The following SETX variants were observed in gnomAD, a reference collection of about 807,000 sequenced individuals.
The protein encoded by SETX is senataxin, also known as helicase senataxin.
A neutral mutation model predicts 227.2 loss-of-function variants in SETX; 90 were observed. That is an observed-to-expected ratio of 0.40 (90% CI 0.33 to 0.47). The LOEUF (loss-of-function observed/expected upper bound fraction) is 0.47. Among genes scored for constraint, SETX ranks in the 20% least tolerant of loss-of-function variants. The probability of loss-of-function intolerance (pLI) is 0.91; values close to 1 mark genes in which losing one functional copy is unlikely to be tolerated. For missense variants in SETX, 3,052 were observed against 3,181.5 expected, an observed-to-expected ratio of 0.96 and a Z score of 0.98; for synonymous variants, 1,210 against 1,113.2, an observed-to-expected ratio of 1.09 and a Z score of -1.73.
At chr9:132,299,671 A>G (rs1235734487) in intron 12 of SETX, among the ~76,000 whole-genome samples, 2 of 152,238 alleles carry the variant, frequency 1.3e-5, no homozygotes, top group East Asian at 3.8e-4. Flanking sequence ...CATAAGAAAA[A>G]CAATGTGGAC....
chr9:132,299,970 A>C (rs1844892541), intron 12 of SETX, among the ~76,000 whole-genome samples: 1 of 152,002 alleles, frequency 6.6e-6, no homozygotes, highest in Non-Finnish European at 1.5e-5. Context: ...CTCCACTAAA[A>C]ACACAAAAAA....
chr9:132,331,296 T>C lies in SETX; in HGVS notation c.991A>G (p.Ile331Val), dbSNP rs572884359. The change falls in exon 8 of 26, where the codon ATA becomes GTA. Residue 331 changes from isoleucine to valine, a missense_variant. Around this residue, in one of 10 missense-constraint regions of SETX, gnomAD observed 239 missense variants for 240.8 expected, o/e 0.99. Transcript: ENST00000224140. ...ACTAACCTTACAGAGCTGTTCCGTA[T>C]ATGTCGGATCTCTCTATTGTAGCTT... ...NASYNREIRH[I>V]RNSSVRTKLE... The C allele has an allele frequency of 4.8e-5, 77 of 1,614,116 alleles. No individual in the cohort carries two copies. Among genetic ancestry groups the C allele is most frequent in the Admixed American group, 3.5e-4 (21 of 60,028 alleles).
At chr9:132,271,569 T>C in intron 24 of SETX, 141 bp downstream of exon 24, 1 of 751,802 alleles carries the variant, frequency 1.3e-6, no homozygotes, top group Non-Finnish European at 2.4e-6. Flanking sequence ...AGAGAAACTT[T>C]CATAGTATTA....
chr9:132,273,702 G>A (rs912315045), intron 23 of SETX, among the ~76,000 whole-genome samples: 1 of 151,980 alleles, frequency 6.6e-6, no homozygotes, highest in East Asian at 1.9e-4. Flanking sequence ...CCTTTGAATG[G>A]CTTTGTTAGG....
chr9:132,271,888 GTTTT>G (rs375899109), intron 23 of SETX, 80 bp from the exon 24 acceptor site: 23 of 1,074,492 alleles, frequency 2.1e-5, no homozygotes, highest in East Asian at 1.8e-4. Flanking sequence ...TAGTTTTTTG[GTTTT>G]TTTTTTTTGA....
At chr9:132,332,102 G>T (rs564616079) in intron 7 of SETX, among the ~76,000 whole-genome samples, 9 of 152,072 alleles carry the variant, frequency 5.9e-5, no homozygotes, top group African/African-American at 1.9e-4. Flanking sequence ...GCAAGATACC[G>T]CCCTACTCAA....
At chr9:132,290,289 T>C (rs542383874) in intron 15 of SETX, among the ~76,000 whole-genome samples, 2 of 151,898 alleles carry the variant, frequency 1.3e-5, no homozygotes, top group East Asian at 3.9e-4. Flanking sequence ...AAATTCTCCA[T>C]TACAAGGCTG....
chr9:132,335,206 T>C (rs13285550), intron 6 of SETX, among the ~76,000 whole-genome samples: 12,043 of 151,182 alleles, frequency 0.08, 736 homozygotes, highest in Admixed American at 0.21. Context: ...CTGGCTAACA[T>C]GGTGAAACCC....
chr9:132,264,173 T>C lies in SETX; in HGVS notation c.*66A>G. The C allele has an allele frequency of 3.7e-6, 6 of 1,606,332 alleles. No homozygotes were observed. Among genetic ancestry groups the C allele is most frequent in the South Asian group, 1.1e-5 (1 of 90,908 alleles). The stretch of plus-strand genomic sequence containing the variant: ...ACAAAAAACAAGCTTATCTAGATGG[T>C]CCCACGAGCTGGTCATCTTCAGTTT... On this transcript the variant is annotated 3_prime_UTR_variant, in exon 26 of 26. Coordinates refer to ENST00000224140, the MANE Select transcript of SETX (RefSeq NM_015046.7).
chr9:132,272,900 T>A (rs975726576), intron 23 of SETX, among the ~76,000 whole-genome samples: 1 of 152,168 alleles, frequency 6.6e-6, no homozygotes, highest in African/African-American at 2.4e-5. Context: ...GCTCCCCAAA[T>A]TGATCTACAG....
At chr9:132,325,487 T>C (rs1172836078) in intron 10 of SETX, among the ~76,000 whole-genome samples, 2 of 152,240 alleles carry the variant, frequency 1.3e-5, no homozygotes, top group South Asian at 4.1e-4. Flanking sequence ...AGCAGAGGTC[T>C]CTTACTTAAA....
At chr9:132,279,995 A>C (rs1282177094) in intron 20 of SETX, among the ~76,000 whole-genome samples, 1 of 152,194 alleles carries the variant, frequency 6.6e-6, no homozygotes, top group Non-Finnish European at 1.5e-5. Context: ...CTCACTGTTA[A>C]CCCCTAGAAT....
chr9:132,320,981 C>CA (rs1315122777), intron 10 of SETX, among the ~76,000 whole-genome samples: 3 of 152,052 alleles, frequency 2.0e-5, no homozygotes, highest in Admixed American at 2.0e-4. Context: ...CTGGTCCCAG[C>CA]AAAAAATGAC....
intron 25 of SETX, among the ~76,000 whole-genome samples, chr9:132,268,709 T>C (rs1290335485): frequency 1.3e-5 from 2 of 152,248 alleles, no homozygotes; most frequent in African/African-American, 4.8e-5. Flanking sequence ...AATTGCTGTA[T>C]TTTAAAATGT....
At chr9:132,325,458 ACCT>A (rs764530800) in intron 10 of SETX, among the ~76,000 whole-genome samples, 1 of 152,300 alleles carries the variant, frequency 6.6e-6, no homozygotes, top group Admixed American at 6.5e-5. Context: ...ACCCTTTGCC[ACCT>A]CCTCAAGAAA....
chr9:132,329,781 A>C lies in SETX; in HGVS notation c.1817T>G (p.Val606Gly). The change falls in exon 10 of 26, where the codon GTG becomes GGG. Residue 606 changes from valine (V) to glycine (G), a missense_variant. Val to Gly is a moderately radical substitution (Grantham distance 109, BLOSUM62 -3). Around this residue, in one of 10 missense-constraint regions of SETX, gnomAD observed 1,483 missense variants for 1,312.0 expected, o/e 1.13. Coordinates refer to ENST00000224140, the MANE Select transcript of SETX (RefSeq NM_015046.7). ...KFKAPPCNTF[V>G]DLTSACKISP... ...GATTTTACATGCAGAAGTCAGATCC[A>C]CAAAAGTGTTACATGGAGGTGCTTT... is the stretch of plus-strand genomic sequence containing the variant. The C allele has an allele frequency of 6.2e-7, 1 of 1,614,124 alleles. No homozygotes were observed. Among genetic ancestry groups the C allele is most frequent in the Non-Finnish European group, 8.5e-7 (1 of 1,180,000 alleles).
rs1844714133 is a variant in SETX, at chr9:132,297,027, C to A, written c.5809G>T (p.Asp1937Tyr). The A allele has an allele frequency of 6.2e-7, 1 of 1,613,418 alleles. No homozygotes were observed. Among genetic ancestry groups the A allele is most frequent in the South Asian group, 1.1e-5 (1 of 91,034 alleles). ...IIAYLRDFNE[D>Y]QKKAIETAYA... is the part of the protein sequence containing the mutation. ...GCAGTTTCTATTGCTTTCTTTTGATCTTCATTGAAATCTCTTAAGTACGCA... is the reference window on the plus strand; with the variant it reads ...GCAGTTTCTATTGCTTTCTTTTGATATTCATTGAAATCTCTTAAGTACGCA... Residue 1937 changes from aspartate (D) to tyrosine (Y), a missense_variant, in exon 14 of 26, where the codon GAT becomes TAT. Coordinates refer to ENST00000224140, the MANE Select transcript of SETX (RefSeq NM_015046.7).
Position 132,346,490 on chromosome 9 carries a change from G to A in SETX, c.178-19C>T, listed in dbSNP as rs775725735. 5 of 1,545,158 alleles carry A rather than the reference G, an allele frequency of 3.2e-6. No homozygotes were observed. The highest frequency in any genetic ancestry group is 2.0e-4 in the Middle Eastern group (1 of 4,984). The stretch of plus-strand genomic sequence containing the variant: ...ATAAAACCTAGAGGAAAATAAAATG[G>A]GCAGTGTGCGTTATGTCTTATCATC... On this transcript the variant is annotated intron_variant, in intron 3 of 25. Coordinates refer to ENST00000224140, the MANE Select transcript of SETX (RefSeq NM_015046.7).
intron 11 of SETX, among the ~76,000 whole-genome samples, chr9:132,307,268 A>T (rs1263575147): frequency 6.6e-6 from 1 of 152,152 alleles, no homozygotes; most frequent in East Asian, 1.9e-4. Context: ...AAATAATAAT[A>T]ATAATAACAA....
Sources: gnomAD v4.1 joint callset for allele counts (sites outside exome capture counted in the v4.1 genomes callset) on GRCh38, gnomAD v4.1.1 for gene constraint, gnomAD v4.1.1 regional missense constraint, MANE v1.5 for transcripts, NCBI Gene and HGNC (gene_info 2026-07-23, HGNC 2026-07-21) for gene names.